HIKESHI: variants seen among roughly 807,000 people sequenced by gnomAD.
The protein encoded by HIKESHI is heat shock protein nuclear import factor hikeshi.
Under a neutral mutation model 25.7 loss-of-function variants are expected in HIKESHI, and 13 were observed. The observed-to-expected ratio is 0.51, with a 90% CI of 0.33 to 0.80. The LOEUF is 0.80. HIKESHI is among the 30% of genes least tolerant of loss of function. The pLI is 0.02. For missense variants in HIKESHI, 174 were observed against 229.5 expected, an observed-to-expected ratio of 0.76 and a Z score of 1.56; for synonymous variants, 76 against 78.7, an observed-to-expected ratio of 0.97 and a Z score of 0.18.
At chr11:86,329,752 CT>C (rs1947374422) in intron 2 of HIKESHI, among the ~76,000 whole-genome samples, 1 of 151,946 alleles carries the variant, frequency 6.6e-6, no homozygotes. Context: ...TATGAAATGT[CT>C]TTTATCTCCA....
chr11:86,326,369 A>C, intron 2 of HIKESHI: 1 of 379,470 alleles, frequency 2.6e-6, no homozygotes, highest in South Asian at 2.0e-5. Flanking sequence ...ATGTGTGGCT[A>C]TAAGGTCTTT....
intron 2 of HIKESHI, among the ~76,000 whole-genome samples, chr11:86,318,586 A>G (rs1947061407): frequency 6.6e-6 from 1 of 152,072 alleles, no homozygotes; most frequent in South Asian, 2.1e-4. Context: ...GCCTTTGTCA[A>G]TTTTATTTAT....
Position 86,319,242 on chromosome 11 carries a change from A to ATATTTTTT in HIKESHI, c.268+12761_268+12762insATTTTTTT, listed in dbSNP as rs1383589741. Among the ~76,000 whole-genome samples the ATATTTTTT allele has an allele frequency of 2.7e-3, 260 of 94,918 alleles. 2 individuals are homozygous for ATATTTTTT. The highest frequency in any genetic ancestry group is 0.02 in the South Asian group (51 of 2,498). 62.3% of individuals were successfully genotyped at this position (94,918 alleles called of 152,430 possible). ...AATATATATATATATATATATATAT[A>ATATTTTTT]TTTTTTTTTTTTTTGAGACCAGTCT... is the stretch of plus-strand genomic sequence containing the variant. On this transcript the variant is annotated intron_variant, in intron 2 of 4. Transcript: ENST00000278483.
rs780243973 is a variant in HIKESHI at position 86,328,925 on chromosome 11, TGTGC to T, written c.269-8452_269-8449del. ...TGTGTTTTGTGTGTGTGTGTGTGTG[TGTGC>T]GCGCACACACACACACACGCTCCTC... On this transcript the variant is annotated intron_variant, in intron 2 of 4. Coordinates refer to ENST00000278483, the MANE Select transcript of HIKESHI (RefSeq NM_016401.4). Among the ~76,000 whole-genome samples, 507 of 144,550 alleles carry T rather than the reference TGTGC, an allele frequency of 3.5e-3. 4 individuals carry two copies. Among genetic ancestry groups the T allele is most frequent in the African/African-American group, 8.7e-3 (342 of 39,518 alleles). The allele number at this position is 144,550 out of a possible 152,430, so 94.8% of individuals were successfully genotyped here.
At chr11:86,326,962 G>C (rs1249406483) in intron 2 of HIKESHI, among the ~76,000 whole-genome samples, 1 of 152,130 alleles carries the variant, frequency 6.6e-6, no homozygotes, top group African/African-American at 2.4e-5. Context: ...ATGGTGGCGT[G>C]TGCCTATAGT....
intron 2 of HIKESHI, among the ~76,000 whole-genome samples, chr11:86,328,513 A>G (rs1947342096): frequency 6.8e-6 from 1 of 148,028 alleles, no homozygotes; most frequent in Non-Finnish European, 1.5e-5. Flanking sequence ...TTGGAGTTGT[A>G]TGCTCACTGC....
intron 2 of HIKESHI, among the ~76,000 whole-genome samples, chr11:86,311,366 C>G (rs1056825977): frequency 6.6e-6 from 1 of 152,144 alleles, no homozygotes; most frequent in African/African-American, 2.4e-5. Context: ...TTATAGTATT[C>G]TTTGATGGTA....
intron 2 of HIKESHI, among the ~76,000 whole-genome samples, chr11:86,308,565 T>TTATTTATTTATTTATTTATTTATG: frequency 6.7e-6 from 1 of 149,984 alleles, no homozygotes; most frequent in Non-Finnish European, 1.5e-5. Flanking sequence ...TTCTTTTTAT[T>TTATTTATTTATTTATTTATTTATG]TATTTATTTA....
At chr11:86,336,070 CAG>C (rs1483843382) in intron 2 of HIKESHI, among the ~76,000 whole-genome samples, 134 of 152,242 alleles carry the variant, frequency 8.8e-4, no homozygotes, top group Non-Finnish European at 9.3e-4. Flanking sequence ...AGGAACTAAA[CAG>C]AGTTTATAGC....
intron 2 of HIKESHI, among the ~76,000 whole-genome samples, chr11:86,314,007 G>A (rs1946905454): frequency 6.6e-6 from 1 of 152,206 alleles, no homozygotes; most frequent in Admixed American, 6.5e-5. Flanking sequence ...GTAGCACACT[G>A]ACTCACTGGG....
chr11:86,328,022 C>T (rs2138373827), intron 2 of HIKESHI, among the ~76,000 whole-genome samples: 1 of 152,176 alleles, frequency 6.6e-6, no homozygotes. Context: ...ACATGAAAAA[C>T]TAATAGAGCA....
chr11:86,317,886 T>A (rs1947032053), intron 2 of HIKESHI, among the ~76,000 whole-genome samples: 1 of 151,570 alleles, frequency 6.6e-6, no homozygotes, highest in African/African-American at 2.4e-5. Flanking sequence ...TTTAATAGAG[T>A]TTCAAATAAA....
At chr11:86,339,754 T>C (rs1369033870) in intron 3 of HIKESHI, among the ~76,000 whole-genome samples, 1 of 152,238 alleles carries the variant, frequency 6.6e-6, no homozygotes, top group African/African-American at 2.4e-5. Context: ...AAATAGTTTT[T>C]TTTTATTATA....
chr11:86,307,012 AATAT>A (rs1197125983), intron 2 of HIKESHI, among the ~76,000 whole-genome samples: 1 of 129,468 alleles, frequency 7.7e-6, no homozygotes, highest in Admixed American at 8.1e-5. Flanking sequence ...AGAAAAAAAA[AATAT>A]ATATATATAT....
Position 86,317,586 on chromosome 11 carries a change from C to G in HIKESHI, c.268+11104C>G, listed in dbSNP as rs866548074. Among the ~76,000 whole-genome samples the G allele has an allele frequency of 1.8e-4, 28 of 152,156 alleles. 1 individual carries two copies. The Middle Eastern group carries it at 0.02, about 111-fold the overall frequency. On this transcript the variant is annotated intron_variant, in intron 2 of 4. Transcript: ENST00000278483. The stretch of plus-strand genomic sequence containing the variant: ...TTGGGAGGCCGAGGCAGGTGGATCA[C>G]CTGAGGTGGGGAGTTCGAGACCAGC...
chr11:86,344,565 A>T (rs529918556), intron 3 of HIKESHI, 38 bp from the exon 4 acceptor site: 162 of 1,168,160 alleles, frequency 1.4e-4, no homozygotes, highest in Admixed American at 4.1e-4. Flanking sequence ...TAAATGAAGT[A>T]TTCAGTATAA....
chr11:86,320,599 T>C (rs1303779377), intron 2 of HIKESHI, among the ~76,000 whole-genome samples: 1 of 152,142 alleles, frequency 6.6e-6, no homozygotes, highest in African/African-American at 2.4e-5. Flanking sequence ...AAAGAAAATT[T>C]ATTTTTTATT....
chr11:86,314,416 A>C (rs1437899167), intron 2 of HIKESHI, among the ~76,000 whole-genome samples: 1 of 152,106 alleles, frequency 6.6e-6, no homozygotes, highest in Non-Finnish European at 1.5e-5. Context: ...AGAGTTCAAG[A>C]CCAGCCTAAA....
chr11:86,311,186 G>A (rs1354448876), intron 2 of HIKESHI, among the ~76,000 whole-genome samples: 1 of 152,220 alleles, frequency 6.6e-6, no homozygotes, highest in Non-Finnish European at 1.5e-5. Context: ...AATCCGTGTG[G>A]TCCTGGACTT....
Sources: gnomAD v4.1 joint callset for allele counts (sites outside exome capture counted in the v4.1 genomes callset) on GRCh38, gnomAD v4.1.1 for gene constraint, MANE v1.5 for transcripts, NCBI Gene and HGNC (gene_info 2026-07-23, HGNC 2026-07-21) for gene names.